The following KCNAB1 variants were observed in gnomAD, a reference collection of about 807,000 sequenced individuals.
KCNAB1 encodes voltage-gated potassium channel subunit beta-1.
In KCNAB1, 35 loss-of-function variants were observed where a neutral mutation model predicts 64.6. The ratio of observed to expected loss-of-function variants is 0.54; its 90% CI spans 0.41 to 0.72. The LOEUF is 0.72. Ranked by LOEUF, KCNAB1 falls within the 30% of genes least tolerant of loss-of-function variation. The pLI, the probability that KCNAB1 is intolerant of heterozygous loss-of-function variation, is 0.00. For missense variants in KCNAB1, 401 were observed against 512.9 expected, an observed-to-expected ratio of 0.78 and a Z score of 2.11; for synonymous variants, 177 against 183.8, an observed-to-expected ratio of 0.96 and a Z score of 0.30.
At chr3:156,392,712 C>A (rs1378094486) in intron 1 of KCNAB1, among the ~76,000 whole-genome samples, 2 of 152,126 alleles carry the variant, frequency 1.3e-5, no homozygotes, top group Non-Finnish European at 2.9e-5. Flanking sequence ...TTAATATAAG[C>A]AAATAATTTT....
chr3:156,233,716 G>A (rs138991263), intron 1 of KCNAB1, among the ~76,000 whole-genome samples: 57 of 152,172 alleles, frequency 3.7e-4, no homozygotes, highest in African/African-American at 1.4e-3. Flanking sequence ...GTATAGTGGA[G>A]ACAGTGAGGA....
At chr3:156,423,740 T>C (rs1401361920) in intron 2 of KCNAB1, among the ~76,000 whole-genome samples, 1 of 152,202 alleles carries the variant, frequency 6.6e-6, no homozygotes, top group African/African-American at 2.4e-5. Flanking sequence ...GCAAAGATGC[T>C]GAGGGCTTGT....
At chr3:156,237,798 CTTT>C (rs1454266322) in intron 1 of KCNAB1, among the ~76,000 whole-genome samples, 1 of 151,840 alleles carries the variant, frequency 6.6e-6, no homozygotes, top group South Asian at 2.1e-4. Context: ...TCCTGATCTT[CTTT>C]TTTACCTCCG....
intron 12 of KCNAB1, among the ~76,000 whole-genome samples, chr3:156,527,465 A>T (rs746359220): frequency 2.2e-4 from 33 of 152,220 alleles, no homozygotes; most frequent in Non-Finnish European, 4.4e-5. Context: ...AGAGAAACAT[A>T]TTCTGCACAA....
intron 1 of KCNAB1, among the ~76,000 whole-genome samples, chr3:156,265,314 G>A (rs1718634316): frequency 6.6e-6 from 1 of 152,132 alleles, no homozygotes; most frequent in South Asian, 2.1e-4. Flanking sequence ...CATGTTTATA[G>A]TTTCCATCCT....
intron 1 of KCNAB1, among the ~76,000 whole-genome samples, chr3:156,212,950 G>A (rs1366616339): frequency 1.3e-5 from 2 of 152,290 alleles, no homozygotes; most frequent in East Asian, 3.9e-4. Context: ...GGAAGCCGTG[G>A]AAGGCTTTTA....
intron 1 of KCNAB1, among the ~76,000 whole-genome samples, chr3:156,417,898 C>G (rs770628111): frequency 6.6e-6 from 1 of 152,208 alleles, no homozygotes; most frequent in Non-Finnish European, 1.5e-5. Context: ...GAAGCTATAT[C>G]CCTTCTCCAC....
At chr3:156,498,169 C>T (rs1453048574) in intron 8 of KCNAB1, among the ~76,000 whole-genome samples, 2 of 152,238 alleles carry the variant, frequency 1.3e-5, no homozygotes, top group African/African-American at 2.4e-5. Flanking sequence ...CCCAAAGAAA[C>T]CAGCAGTTTA....
chr3:156,161,080 T>C (rs1220433732), intron 1 of KCNAB1, among the ~76,000 whole-genome samples: 8 of 152,216 alleles, frequency 5.3e-5, no homozygotes, highest in Non-Finnish European at 7.3e-5. Flanking sequence ...TTAAAGCAAC[T>C]CCTTAAACCA....
chr3:156,164,424 G>T (rs1213455416), intron 1 of KCNAB1, among the ~76,000 whole-genome samples: 1 of 152,072 alleles, frequency 6.6e-6, no homozygotes, highest in Admixed American at 6.5e-5. Flanking sequence ...CTCCCTACAT[G>T]CCCCTGTTTT....
At chr3:156,340,814 A>G (rs1228337442) in intron 1 of KCNAB1, among the ~76,000 whole-genome samples, 1 of 152,186 alleles carries the variant, frequency 6.6e-6, no homozygotes, top group African/African-American at 2.4e-5. Context: ...TTTTATTGCT[A>G]TGTCTTTATT....
chr3:156,191,777 A>G (rs1713582373), intron 1 of KCNAB1, among the ~76,000 whole-genome samples: 2 of 152,156 alleles, frequency 1.3e-5, no homozygotes, highest in African/African-American at 2.4e-5. Context: ...TTTACCCCTC[A>G]ATTTGCTTGT....
chr3:156,218,586 A>C (rs1298777002), intron 1 of KCNAB1, among the ~76,000 whole-genome samples: 1 of 152,048 alleles, frequency 6.6e-6, no homozygotes, highest in Admixed American at 6.6e-5. Context: ...CAACGAAAAC[A>C]AAACCAGCAC....
At chr3:156,267,087 G>C (rs1718765927) in intron 1 of KCNAB1, among the ~76,000 whole-genome samples, 1 of 151,658 alleles carries the variant, frequency 6.6e-6, no homozygotes, top group African/African-American at 2.4e-5. Flanking sequence ...CCTAATCCCA[G>C]TATCCACACA....
At chr3:156,497,878 GA>G (rs1298648983) in intron 8 of KCNAB1, among the ~76,000 whole-genome samples, 4 of 152,150 alleles carry the variant, frequency 2.6e-5, no homozygotes, top group Non-Finnish European at 4.4e-5. Flanking sequence ...TAGGGTCTTC[GA>G]AAAGTTTGTG....
At chr3:156,154,332 T>A (rs1715592297) in intron 1 of KCNAB1, among the ~76,000 whole-genome samples, 1 of 152,188 alleles carries the variant, frequency 6.6e-6, no homozygotes, top group Non-Finnish European at 1.5e-5. Context: ...CTACCAGTTG[T>A]CCCTCAATCC....
At chr3:156,366,765 A>G (rs1560219853) in intron 1 of KCNAB1, among the ~76,000 whole-genome samples, 1 of 152,256 alleles carries the variant, frequency 6.6e-6, no homozygotes, top group African/African-American at 2.4e-5. Flanking sequence ...GGAATCCAGT[A>G]TCTCTGCATC....
intron 1 of KCNAB1, among the ~76,000 whole-genome samples, chr3:156,279,362 A>T (rs1338427224): frequency 6.6e-6 from 1 of 152,080 alleles, no homozygotes; most frequent in African/African-American, 2.4e-5. Context: ...AATCCCGTCT[A>T]TCATTGTTGG....
chr3:156,160,973 A>G (rs1716041340), intron 1 of KCNAB1, among the ~76,000 whole-genome samples: 1 of 152,220 alleles, frequency 6.6e-6, no homozygotes, highest in Non-Finnish European at 1.5e-5. Context: ...AAATGCTTCT[A>G]CAGAATCACT....
Sources: allele counts gnomAD v4.1 joint callset (sites outside exome capture counted in the v4.1 genomes callset), GRCh38; gene constraint gnomAD v4.1.1; transcripts MANE v1.5; gene names NCBI Gene and HGNC (gene_info 2026-07-23, HGNC 2026-07-21).